INTS7: variants seen among roughly 807,000 people sequenced by gnomAD.
INTS7 encodes chromosome 1 open reading frame 73.
INTS7 carries 46 observed loss-of-function variants against 109.2 expected under a neutral mutation model. That is an observed-to-expected ratio of 0.42 (90% CI 0.33 to 0.54). The LOEUF (loss-of-function observed/expected upper bound fraction) is 0.54. INTS7 is among the 20% of genes least tolerant of loss of function. The pLI, the probability that INTS7 is intolerant of heterozygous loss-of-function variation, is 0.07. For missense variants in INTS7, 929 were observed against 1,132.4 expected (o/e 0.82, Z 2.58); for synonymous variants, 412 against 402.9 (o/e 1.02, Z -0.27).
chr1:211,991,941 C>T (rs772377969), intron 7 of INTS7, among the ~76,000 whole-genome samples: 7 of 152,110 alleles, frequency 4.6e-5, no homozygotes, highest in Non-Finnish European at 8.8e-5. Context: ...AGTGCCTAAG[C>T]ACAGTGACAG....
At chr1:211,956,440 T>A (rs1213256071) in intron 16 of INTS7, among the ~76,000 whole-genome samples, 3 of 152,208 alleles carry the variant, frequency 2.0e-5, no homozygotes, top group Non-Finnish European at 4.4e-5. Flanking sequence ...TTATATATAT[T>A]GTTGGACTGA....
Position 211,975,202 on chromosome 1 carries a change from A to C in INTS7, c.1779T>G (p.Ser593=). Residue 593 remains serine, a synonymous_variant, in exon 13 of 20, where the codon TCT becomes TCG. Coordinates refer to ENST00000366994, the MANE Select transcript of INTS7 (RefSeq NM_015434.4). ...CAATCCCTTTGTGATAGAATTTTAA[A>C]GATTCAGCAATGCAAGAAAGTGCTG... ...YSSALSCIAE[S]LKFYHKGIAS... 2 of 1,613,792 alleles carry C rather than the reference A, an allele frequency of 1.2e-6. No individual in the cohort carries two copies. The highest frequency in any genetic ancestry group is 1.7e-6 in the Non-Finnish European group (2 of 1,179,688).
intron 1 of INTS7, among the ~76,000 whole-genome samples, chr1:212,023,580 C>A (rs1571916457): frequency 6.6e-6 from 1 of 152,082 alleles, no homozygotes; most frequent in East Asian, 1.9e-4. Flanking sequence ...CCTTTGCCCA[C>A]TTTTTAATAG....
chr1:211,958,345 C>T (rs1663458047), intron 16 of INTS7, among the ~76,000 whole-genome samples: 1 of 151,946 alleles, frequency 6.6e-6, no homozygotes, highest in East Asian at 1.9e-4. Context: ...TGTCTTTTGG[C>T]TTGTAATATT....
chr1:211,979,004 G>A (rs1664538948), intron 10 of INTS7, among the ~76,000 whole-genome samples: 1 of 152,168 alleles, frequency 6.6e-6, no homozygotes, highest in Non-Finnish European at 1.5e-5. Context: ...TAAGTACACT[G>A]AAGTGGGAAA....
chr1:211,991,223 G>A (rs963037763), intron 7 of INTS7, among the ~76,000 whole-genome samples: 1 of 152,178 alleles, frequency 6.6e-6, no homozygotes, highest in Non-Finnish European at 1.5e-5. Context: ...GATGAGATAT[G>A]AAGTCCAAGA....
rs1558020146 is a variant in INTS7, at chr1:211,946,723, CTA to C, written c.2317-20_2317-19del. ...GCTGTGTGCTGGGGGAAAAAAGAAA[CTA>C]AATCAAATAAAAATAAATTTTCAAA... On this transcript the variant is annotated intron_variant, in intron 17 of 19. Coordinates refer to ENST00000366994, the MANE Select transcript of INTS7 (RefSeq NM_015434.4). The surrounding 1 kb of genome is among the most constrained non-coding windows in gnomAD (Gnocchi z 4.3). 2 of 1,556,618 alleles carry C rather than the reference CTA, an allele frequency of 1.3e-6. No homozygotes were observed. Among genetic ancestry groups the C allele is most frequent in the Non-Finnish European group, 8.8e-7 (1 of 1,137,166 alleles).
At chr1:211,983,397 TA>T (rs1558038481) in intron 8 of INTS7, among the ~76,000 whole-genome samples, 1 of 152,270 alleles carries the variant, frequency 6.6e-6, no homozygotes, top group East Asian at 1.9e-4. Flanking sequence ...AGTCATGTTC[TA>T]ATGCCCCTGT....
chr1:211,967,074 G>T (rs112412768), intron 15 of INTS7, among the ~76,000 whole-genome samples: 7 of 152,144 alleles, frequency 4.6e-5, no homozygotes, highest in Non-Finnish European at 7.3e-5. Flanking sequence ...TGATTGGAAA[G>T]TCCTACAACT....
intron 1 of INTS7, among the ~76,000 whole-genome samples, chr1:212,031,692 A>G (rs1667172237): frequency 6.6e-6 from 1 of 152,246 alleles, no homozygotes; most frequent in South Asian, 2.1e-4. Flanking sequence ...GCAGGTGGTC[A>G]GTAAATATCT....
At position 211,946,339 on chromosome 1, in the gene INTS7, T is replaced by C. The variant is rs928114271; in HGVS notation, c.2415+268A>G. 6.6e-6 allele frequency among the ~76,000 whole-genome samples: 1 copy of C among 152,044 alleles called. No individual in the cohort carries two copies. Among genetic ancestry groups the C allele is most frequent in the Admixed American group, 6.6e-5 (1 of 15,258 alleles). On this transcript the variant is annotated intron_variant, in intron 18 of 19. Coordinates refer to ENST00000366994, the MANE Select transcript of INTS7 (RefSeq NM_015434.4). The surrounding 1 kb of genome is among the most constrained non-coding windows in gnomAD (Gnocchi z 4.3). ...CTTTACCAAAAATAAAAAAATCAGCTGCGTGAGGTGGTGGATGCCTGTAAT... is the reference window on the plus strand; with the variant it reads ...CTTTACCAAAAATAAAAAAATCAGCCGCGTGAGGTGGTGGATGCCTGTAAT...
chr1:211,995,820 C>G (rs868073454), intron 7 of INTS7, among the ~76,000 whole-genome samples: 12 of 152,196 alleles, frequency 7.9e-5, no homozygotes, highest in Admixed American at 3.9e-4. Context: ...GTGGTCACCC[C>G]TTCCACCATG....
chr1:211,978,353 C>T lies in INTS7; in HGVS notation c.1389G>A (p.Leu463=). 1 of 1,614,196 alleles carries T rather than the reference C, an allele frequency of 6.2e-7. No homozygotes were observed. The highest frequency in any genetic ancestry group is 1.1e-5 in the South Asian group (1 of 91,086). ...TGAGGTCACCAAGCATCCCATCACC[C>T]AGCACCGGCAGTTGCATGGCAATGG... ...LAAIAMQLPV[L]GDGMLGDLME... The change falls in exon 11 of 20, where the codon CTG becomes CTA. Residue 463 remains leucine, a synonymous_variant. Coordinates refer to ENST00000366994, the MANE Select transcript of INTS7 (RefSeq NM_015434.4).
chr1:212,008,504 A>G (rs985814656), intron 5 of INTS7, among the ~76,000 whole-genome samples: 3 of 151,832 alleles, frequency 2.0e-5, no homozygotes, highest in African/African-American at 4.8e-5. Context: ...TTCTCTTCTC[A>G]TTCTATGTGT....
chr1:211,979,873 G>A (rs973591866), intron 10 of INTS7, among the ~76,000 whole-genome samples: 2 of 152,060 alleles, frequency 1.3e-5, no homozygotes, highest in East Asian at 3.9e-4. Flanking sequence ...AATCACTCCC[G>A]ACTCTGACCT....
At chr1:212,031,824 A>C (rs1667178965) in intron 1 of INTS7, among the ~76,000 whole-genome samples, 1 of 152,232 alleles carries the variant, frequency 6.6e-6, no homozygotes, top group African/African-American at 2.4e-5. Flanking sequence ...GATCAGAAAC[A>C]ATCAGCTTAC....
chr1:211,966,432 T>C lies in INTS7; in HGVS notation c.2181A>G (p.Ala727=). The C allele has an allele frequency of 6.5e-7, 1 of 1,550,148 alleles. No homozygotes were observed. Among genetic ancestry groups the C allele is most frequent in the Non-Finnish European group, 8.9e-7 (1 of 1,122,554 alleles). The change falls in exon 16 of 20, where the codon GCA becomes GCG. Residue 727 remains alanine (A), a splice_region_variant and synonymous_variant. Coordinates refer to ENST00000366994, the MANE Select transcript of INTS7 (RefSeq NM_015434.4). ...IEALILDPES[A]SFQEYGSTGT... is the part of the protein sequence containing the mutation. ...ACTATTATTAATATTAGAATTACCTTGCTGATTCTGGATCCAAAATCAGGG... is the reference window on the plus strand; with the variant it reads ...ACTATTATTAATATTAGAATTACCTCGCTGATTCTGGATCCAAAATCAGGG...
At chr1:212,011,309 A>T (rs930325821) in intron 5 of INTS7, 66 bp downstream of exon 5, 7 of 813,894 alleles carry the variant, frequency 8.6e-6, no homozygotes, top group African/African-American at 1.7e-5. Flanking sequence ...TAAGTACTTA[A>T]TTAGTGTTAG....
chr1:211,970,581 T>C (rs1664126621), intron 13 of INTS7, among the ~76,000 whole-genome samples: 1 of 152,170 alleles, frequency 6.6e-6, no homozygotes, highest in Admixed American at 6.5e-5. Flanking sequence ...ATCCAGAACA[T>C]ATAAAGTACT....
Sources: allele counts gnomAD v4.1 joint callset (sites outside exome capture counted in the v4.1 genomes callset), GRCh38; gene constraint gnomAD v4.1.1; non-coding constraint Gnocchi (gnomAD v3.1); transcripts MANE v1.5; gene names NCBI Gene and HGNC (gene_info 2026-07-23, HGNC 2026-07-21).